The following LRRC4C variants were observed in gnomAD, a reference collection of about 807,000 sequenced individuals.
LRRC4C encodes the protein leucine-rich repeat-containing protein 4C.
Under a neutral mutation model 33.6 loss-of-function variants are expected in LRRC4C, and 5 were observed. The ratio of observed to expected loss-of-function variants is 0.15; its 90% CI spans 0.08 to 0.31. The LOEUF (loss-of-function observed/expected upper bound fraction) is 0.31, where lower values mean the gene tolerates loss of function less well. Ranked by LOEUF, LRRC4C falls within the 10% of genes least tolerant of loss-of-function variation. The pLI is 1.00. For missense variants in LRRC4C, 560 were observed against 796.7 expected (o/e 0.70, Z 3.58); for synonymous variants, 329 against 302.0 (o/e 1.09, Z -0.93).
At chr11:40,835,117 A>C (rs2135579097) in intron 2 of LRRC4C, among the ~76,000 whole-genome samples, 1 of 152,284 alleles carries the variant, frequency 6.6e-6, no homozygotes, top group South Asian at 2.1e-4. Context: ...GAAAACTTAA[A>C]CATGAAATTC....
At chr11:40,607,094 G>T (rs543960554) in intron 3 of LRRC4C, among the ~76,000 whole-genome samples, 2 of 152,136 alleles carry the variant, frequency 1.3e-5, no homozygotes, top group South Asian at 2.1e-4. Context: ...CAAAGCAAGA[G>T]TAATGTATCT....
chr11:40,224,753 GAATAAATT>G (rs1281970409), intron 5 of LRRC4C, among the ~76,000 whole-genome samples: 1 of 152,158 alleles, frequency 6.6e-6, no homozygotes, highest in African/African-American at 2.4e-5. Context: ...AATAGGCACT[GAATAAATT>G]AATGTTATTC....
At chr11:40,208,052 C>T (rs747208756) in intron 5 of LRRC4C, among the ~76,000 whole-genome samples, 4 of 152,150 alleles carry the variant, frequency 2.6e-5, no homozygotes, top group Non-Finnish European at 5.9e-5. Flanking sequence ...CCATGTTCTG[C>T]CTTCAGAAGC....
intron 3 of LRRC4C, among the ~76,000 whole-genome samples, chr11:40,348,816 A>G (rs1947253671): frequency 6.6e-6 from 1 of 152,246 alleles, no homozygotes; most frequent in Non-Finnish European, 1.5e-5. Flanking sequence ...AGTTTGTGTG[A>G]GAAATGAGAT....
intron 3 of LRRC4C, among the ~76,000 whole-genome samples, chr11:40,601,640 G>A (rs1237245027): frequency 3.3e-5 from 5 of 152,086 alleles, no homozygotes; most frequent in African/African-American, 4.8e-5. Flanking sequence ...AAATTTCCAC[G>A]ATGGGTGGAT....
intron 1 of LRRC4C, among the ~76,000 whole-genome samples, chr11:41,060,532 A>G (rs1175266034): frequency 6.6e-6 from 1 of 152,122 alleles, no homozygotes; most frequent in Non-Finnish European, 1.5e-5. Context: ...AGGTGTACGC[A>G]TATGGAGAGA....
At chr11:41,274,080 G>T (rs1449011330) in intron 1 of LRRC4C, among the ~76,000 whole-genome samples, 1 of 152,086 alleles carries the variant, frequency 6.6e-6, no homozygotes, top group Non-Finnish European at 1.5e-5. Flanking sequence ...TGACATGGAG[G>T]CATGCATGGC....
chr11:41,237,983 A>C (rs1948095376), intron 1 of LRRC4C, among the ~76,000 whole-genome samples: 1 of 152,086 alleles, frequency 6.6e-6, no homozygotes, highest in East Asian at 1.9e-4. Context: ...TTGAATACCC[A>C]TCTTTAACTC....
At chr11:41,012,956 C>T (rs1424349729) in intron 1 of LRRC4C, among the ~76,000 whole-genome samples, 1 of 152,038 alleles carries the variant, frequency 6.6e-6, no homozygotes, top group Admixed American at 6.6e-5. Context: ...TGAGTTTGAG[C>T]TCCTTATATA....
intron 3 of LRRC4C, among the ~76,000 whole-genome samples, chr11:40,474,903 T>C (rs1196791754): frequency 1.3e-5 from 2 of 152,072 alleles, no homozygotes; most frequent in Non-Finnish European, 2.9e-5. Context: ...CACAATGAGA[T>C]ACCATCTCAT....
Position 40,265,993 on chromosome 11 carries a change from A to T in LRRC4C, c.-175-24395T>A, listed in dbSNP as rs150811415. Among the ~76,000 whole-genome samples the T allele has an allele frequency of 2.1e-3, 317 of 152,296 alleles. 4 individuals carry two copies. The highest frequency in any genetic ancestry group is 7.0e-3 in the African/African-American group (293 of 41,568). On this transcript the variant is annotated intron_variant, in intron 4 of 6. Coordinates refer to ENST00000528697, the MANE Select transcript of LRRC4C (RefSeq NM_001258419.2). ...AACGTGCAGCACATTTTCCAATGTG[A>T]CTTTGTTTTAAAAAGAAGAGGATGC... is the stretch of plus-strand genomic sequence containing the variant.
intron 3 of LRRC4C, among the ~76,000 whole-genome samples, chr11:40,582,707 G>C (rs1372433969): frequency 1.3e-5 from 2 of 151,778 alleles, no homozygotes; most frequent in Admixed American, 1.3e-4. Context: ...AGTAGAGAGA[G>C]GGTTTCACCA....
chr11:40,508,333 TA>T (rs1178687359), intron 3 of LRRC4C, among the ~76,000 whole-genome samples: 1 of 152,066 alleles, frequency 6.6e-6, no homozygotes, highest in Non-Finnish European at 1.5e-5. Flanking sequence ...ACTATTATAA[TA>T]AAAAATCATA....
chr11:40,820,756 A>C (rs1348066252), intron 2 of LRRC4C, among the ~76,000 whole-genome samples: 1 of 151,850 alleles, frequency 6.6e-6, no homozygotes, highest in Non-Finnish European at 1.5e-5. Context: ...ATTAGAAAGA[A>C]GACAAAGAAA....
At chr11:41,058,583 A>G (rs146487836) in intron 1 of LRRC4C, among the ~76,000 whole-genome samples, 1 of 152,210 alleles carries the variant, frequency 6.6e-6, no homozygotes, top group African/African-American at 2.4e-5. Context: ...GAAAATAAAT[A>G]CCCCAAATAT....
intron 1 of LRRC4C, among the ~76,000 whole-genome samples, chr11:41,270,843 G>A (rs923714709): frequency 2.0e-5 from 3 of 151,946 alleles, no homozygotes; most frequent in Admixed American, 6.6e-5. Flanking sequence ...CTAAAATCAC[G>A]AGGTTGGCAG....
chr11:40,826,086 C>G (rs556350861), intron 2 of LRRC4C, among the ~76,000 whole-genome samples: 1 of 151,768 alleles, frequency 6.6e-6, no homozygotes, highest in Non-Finnish European at 1.5e-5. Flanking sequence ...AAAGGGGAGA[C>G]AGACAGTTAT....
intron 1 of LRRC4C, among the ~76,000 whole-genome samples, chr11:41,194,973 T>G (rs1251930754): frequency 6.6e-6 from 1 of 152,084 alleles, no homozygotes; most frequent in African/African-American, 2.4e-5. Flanking sequence ...AAGACAGGAT[T>G]TCTAATTTTG....
At chr11:40,285,081 C>A (rs1179526060) in intron 4 of LRRC4C, among the ~76,000 whole-genome samples, 2 of 152,094 alleles carry the variant, frequency 1.3e-5, no homozygotes, top group Non-Finnish European at 2.9e-5. Context: ...TTGATATGCA[C>A]CAGGCACTGT....
Sources: gnomAD v4.1 joint callset for allele counts (sites outside exome capture counted in the v4.1 genomes callset) on GRCh38, gnomAD v4.1.1 for gene constraint, MANE v1.5 for transcripts, NCBI Gene and HGNC (gene_info 2026-07-23, HGNC 2026-07-21) for gene names.